TP63: variants seen among roughly 807,000 people sequenced by gnomAD.
TP63 encodes tumor protein 63.
In TP63, 17 loss-of-function variants were observed where a neutral mutation model predicts 82.8. The observed-to-expected ratio is 0.21, with a 90% CI of 0.14 to 0.31. The LOEUF (loss-of-function observed/expected upper bound fraction) is 0.31, where lower values mean the gene tolerates loss of function less well. TP63 is among the 10% of genes least tolerant of loss of function. The pLI is 1.00. For synonymous variants in TP63, 330 were observed against 321.7 expected (o/e 1.03, Z -0.28); for missense variants, 648 against 895.3 (o/e 0.72, Z 3.52).
At chr3:189,786,473 ACACACACACGCATG>A (rs1416284510) in intron 3 of TP63, among the ~76,000 whole-genome samples, 2 of 151,074 alleles carry the variant, frequency 1.3e-5, no homozygotes, top group Non-Finnish European at 2.9e-5. Context: ...ACACACACAC[ACACACACACGCATG>A]CACAAATACA....
intron 1 of TP63, among the ~76,000 whole-genome samples, chr3:189,708,020 C>T (rs67758342): frequency 0.26 from 39,284 of 152,032 alleles, 5,640 homozygotes; most frequent in African/African-American, 0.37. Context: ...TATTCCATGT[C>T]GTTCCATTGC....
chr3:189,606,384 G>A, the TP63 span, among the ~76,000 whole-genome samples: 1 of 151,944 alleles, frequency 6.6e-6, no homozygotes, highest in Admixed American at 6.6e-5. Flanking sequence ...AAGGTACCAT[G>A]AGTGTGAAGC....
intron 3 of TP63, among the ~76,000 whole-genome samples, chr3:189,797,274 G>C (rs1289329257): frequency 6.6e-6 from 1 of 152,056 alleles, no homozygotes; most frequent in African/African-American, 2.4e-5. Context: ...AAAAGAAATA[G>C]TTCTACTTTC....
At chr3:189,835,922 A>AATG in intron 4 of TP63, among the ~76,000 whole-genome samples, 1 of 31,338 alleles carries the variant, frequency 3.2e-5, no homozygotes, top group Non-Finnish European at 1.1e-4. Flanking sequence ...TCAAAATAAT[A>AATG]ATAATAATAA....
chr3:189,698,082 G>A (rs1269059808), intron 1 of TP63, among the ~76,000 whole-genome samples: 2 of 152,062 alleles, frequency 1.3e-5, no homozygotes, highest in Non-Finnish European at 2.9e-5. Context: ...TAGGACTGGT[G>A]ATAAAAGACA....
intron 1 of TP63, among the ~76,000 whole-genome samples, chr3:189,643,847 T>C (rs934305261): frequency 1.6e-4 from 25 of 152,190 alleles, no homozygotes; most frequent in Non-Finnish European, 3.7e-4. Context: ...AACACTGCTG[T>C]TTTGGGATCA....
chr3:189,720,347 A>G (rs1719286841), intron 1 of TP63, among the ~76,000 whole-genome samples: 1 of 152,206 alleles, frequency 6.6e-6, no homozygotes, highest in South Asian at 2.1e-4. Context: ...TTATTGGCTT[A>G]AGTATATTTC....
intron 3 of TP63, among the ~76,000 whole-genome samples, chr3:189,761,632 C>T (rs935316709): frequency 2.6e-5 from 4 of 152,222 alleles, no homozygotes; most frequent in African/African-American, 9.7e-5. Flanking sequence ...AACTGTTCAA[C>T]CTCTGCCCGT....
chr3:189,681,589 T>C (rs1457474381), intron 1 of TP63, among the ~76,000 whole-genome samples: 1 of 152,220 alleles, frequency 6.6e-6, no homozygotes, highest in Non-Finnish European at 1.5e-5. Context: ...ACGTGCTCCA[T>C]AAATTATATG....
intron 4 of TP63, among the ~76,000 whole-genome samples, chr3:189,831,659 T>A (rs962531354): frequency 6.6e-6 from 1 of 151,598 alleles, no homozygotes; most frequent in Non-Finnish European, 1.5e-5. Context: ...TTCTGCACCG[T>A]TTGAGCTCCT....
intron 9 of TP63, among the ~76,000 whole-genome samples, 178 bp from the exon 10 acceptor site, chr3:189,872,679 ACT>A (rs1213778576): frequency 1.3e-5 from 2 of 152,022 alleles, no homozygotes; most frequent in African/African-American, 4.8e-5. Context: ...ATTTTTCATC[ACT>A]CTGCCCGGGT....
At chr3:189,872,648 G>A (rs1414119530) in intron 9 of TP63, among the ~76,000 whole-genome samples, 1 of 152,124 alleles carries the variant, frequency 6.6e-6, no homozygotes, top group South Asian at 2.1e-4. Context: ...AACCAGCTGG[G>A]AATGCACACA....
At chr3:189,781,648 G>A (rs1724245195) in intron 3 of TP63, among the ~76,000 whole-genome samples, 1 of 151,880 alleles carries the variant, frequency 6.6e-6, no homozygotes, top group South Asian at 2.1e-4. Flanking sequence ...TAAGAAAGCT[G>A]AGTTGCCTCA....
intron 10 of TP63, among the ~76,000 whole-genome samples, chr3:189,875,292 G>A (rs1577166906): frequency 1.3e-5 from 2 of 151,758 alleles, no homozygotes; most frequent in South Asian, 4.1e-4. Flanking sequence ...TGTAGGCCGG[G>A]CACGGTGGCT....
intron 4 of TP63, among the ~76,000 whole-genome samples, chr3:189,833,977 G>T (rs1048625705): frequency 6.6e-6 from 1 of 152,188 alleles, no homozygotes; most frequent in African/African-American, 2.4e-5. Context: ...CAGAATGTAT[G>T]TAGATATTAA....
chr3:189,886,865 A>T (rs1408357681), intron 11 of TP63, among the ~76,000 whole-genome samples: 1 of 152,166 alleles, frequency 6.6e-6, no homozygotes, highest in Non-Finnish European at 1.5e-5. Flanking sequence ...AATAGTCAAA[A>T]GGAAACAAAT....
intron 1 of TP63, among the ~76,000 whole-genome samples, chr3:189,677,342 A>G (rs1715506267): frequency 7.0e-6 from 1 of 142,068 alleles, no homozygotes; most frequent in Non-Finnish European, 1.6e-5. Context: ...TTATATATAT[A>G]AATATATATA....
chr3:189,881,366 C>T (rs2108843185), intron 10 of TP63: 1 of 985,230 alleles, frequency 1.0e-6, no homozygotes, highest in Non-Finnish European at 1.2e-6. Context: ...ATGTTCCTCC[C>T]CTCCATCTTC....
chr3:189,707,111 C>A (rs1357735718), intron 1 of TP63, among the ~76,000 whole-genome samples: 1 of 152,202 alleles, frequency 6.6e-6, no homozygotes, highest in Non-Finnish European at 1.5e-5. Flanking sequence ...AAGACATGAT[C>A]ATTTTTAATA....
Sources: gnomAD v4.1 joint callset for allele counts (sites outside exome capture counted in the v4.1 genomes callset) on GRCh38, gnomAD v4.1.1 for gene constraint, MANE v1.5 for transcripts, NCBI Gene and HGNC (gene_info 2026-07-23, HGNC 2026-07-21) for gene names.